SAMD4B: variants seen among roughly 807,000 people sequenced by gnomAD.
SAMD4B encodes the protein sterile alpha motif domain containing 4B.
Under a neutral mutation model 74.5 loss-of-function variants are expected in SAMD4B, and 5 were observed. The observed-to-expected ratio is 0.07, with a 90% CI of 0.04 to 0.14. The LOEUF is 0.14. Ranked by LOEUF, SAMD4B falls within the 10% of genes least tolerant of loss-of-function variation. The pLI is 1.00. For synonymous variants in SAMD4B, 373 were observed against 374.9 expected, an observed-to-expected ratio of 1.00 and a Z score of 0.06; for missense variants, 608 against 921.8, an observed-to-expected ratio of 0.66 and a Z score of 4.41.
downstream of SAMD4B, chr19:39,386,631 C>T (rs563268143): frequency 1.2e-6 from 2 of 1,603,568 alleles, no homozygotes; most frequent in South Asian, 1.1e-5. This position sits in a 1 kb window ranked among gnomAD's most constrained non-coding sequence, Gnocchi z 6.1. Context: ...TTTTTGTCCC[C>T]CTCCTCACCT....
At position 39,383,492 on chromosome 19, in the gene SAMD4B, AC is replaced by A. The variant is rs767656666; in HGVS notation, c.2057-5del. Reference sequence around the variant, plus strand: ...ATCTTCCTCCCTTCCTCCCTTTCTTACCACAGATGGGACAGACAAAACCTCC... The same window carrying A: ...ATCTTCCTCCCTTCCTCCCTTTCTTACACAGATGGGACAGACAAAACCTCC... On this transcript the variant is annotated splice_region_variant and splice_polypyrimidine_tract_variant and intron_variant, in intron 13 of 13. Transcript: ENST00000610417. The surrounding 1 kb of genome is among the most constrained non-coding windows in gnomAD (Gnocchi z 4.1). The A allele has an allele frequency of 1.9e-5, 30 of 1,613,504 alleles. No homozygotes were observed. In the East Asian group the frequency reaches 2.7e-4, roughly 14 times the overall value.
downstream of SAMD4B, chr19:39,389,099 C>G: frequency 6.2e-7 from 1 of 1,613,910 alleles, no homozygotes; most frequent in Non-Finnish European, 8.5e-7. The surrounding 1 kb of genome is among the most constrained non-coding windows in gnomAD (Gnocchi z 5.3). Flanking sequence ...TTACTGATTT[C>G]TGGGCATCCT....
intron 3 of SAMD4B, among the ~76,000 whole-genome samples, chr19:39,358,951 C>T (rs1433328092): frequency 6.6e-6 from 1 of 152,222 alleles, no homozygotes; most frequent in Non-Finnish European, 1.5e-5. Context: ...GTCACAGAAG[C>T]AGCATGATTG....
intron 1 of SAMD4B, 34 bp from the exon 2 acceptor site, chr19:39,353,971 TC>T (rs1278884378): frequency 1.3e-5 from 2 of 152,308 alleles, no homozygotes; most frequent in African/African-American, 4.8e-5. Flanking sequence ...TATTAATCAT[TC>T]CCCATTAATG....
intron 1 of SAMD4B, among the ~76,000 whole-genome samples, chr19:39,346,325 C>A (rs1029566732): frequency 1.3e-5 from 2 of 152,166 alleles, no homozygotes; most frequent in Non-Finnish European, 2.9e-5. Flanking sequence ...ATGGTGCCCC[C>A]AGGCAGAGGA....
chr19:39,378,674 G>A lies in SAMD4B; in HGVS notation c.1530+85G>A, dbSNP rs757311832. ...CTGTAGTCCCAGCACTTCGGCCACCGAGGCGGGCGGATCATGAGGTCAGGA... is the reference window on the plus strand; with the variant it reads ...CTGTAGTCCCAGCACTTCGGCCACCAAGGCGGGCGGATCATGAGGTCAGGA... On this transcript the variant is annotated intron_variant, in intron 9 of 13. Transcript: ENST00000610417. The surrounding 1 kb of genome is among the most constrained non-coding windows in gnomAD (Gnocchi z 4.4). 1.3e-5 allele frequency: 14 copies of A among 1,100,594 alleles called. No individual in the cohort carries two copies. Among genetic ancestry groups the A allele is most frequent in the Non-Finnish European group, 1.8e-5 (13 of 732,720 alleles). The allele number at this position is 1,100,594 out of a possible 1,614,324, so 68.2% of individuals were successfully genotyped here.
At chr19:39,342,826 G>C (rs970886391) in intron 1 of SAMD4B, among the ~76,000 whole-genome samples, 15 of 151,530 alleles carry the variant, frequency 9.9e-5, no homozygotes, top group Middle Eastern at 3.2e-3. Flanking sequence ...CATGCCCTCG[G>C]GATTGCCGAG....
At chr19:39,362,571 T>G (rs2076718506) in intron 3 of SAMD4B, among the ~76,000 whole-genome samples, 1 of 152,142 alleles carries the variant, frequency 6.6e-6, no homozygotes, top group African/African-American at 2.4e-5. Context: ...GGTTACCCCT[T>G]GTTGTAATCC....
intron 9 of SAMD4B, among the ~76,000 whole-genome samples, chr19:39,379,364 C>G (rs1196377865): frequency 1.3e-5 from 2 of 152,176 alleles, no homozygotes; most frequent in Non-Finnish European, 2.9e-5. Flanking sequence ...GCTGTCAGTT[C>G]AAACATTTAT....
At chr19:39,361,013 G>C (rs1374731635) in intron 3 of SAMD4B, among the ~76,000 whole-genome samples, 1 of 152,038 alleles carries the variant, frequency 6.6e-6, no homozygotes, top group African/African-American at 2.4e-5. Context: ...AACACCTCTT[G>C]TGACCTGGGT....
rs2077204410 is a variant in SAMD4B, at chr19:39,370,202, T to C, written c.667+77T>C. The stretch of plus-strand genomic sequence containing the variant: ...CTAGGCTCAGTGAGAGCTCTCTCGC[T>C]CTGTGGCATTAGACAAGTCACATAA... On this transcript the variant is annotated intron_variant, in intron 4 of 13. Transcript: ENST00000610417. 22 of 1,365,922 alleles carry C rather than the reference T, an allele frequency of 1.6e-5. No individual in the cohort carries two copies. In the South Asian group the frequency reaches 2.7e-4, roughly 16 times the overall value. 84.6% of individuals were successfully genotyped at this position (1,365,922 alleles called of 1,614,324 possible).
intron 3 of SAMD4B, among the ~76,000 whole-genome samples, chr19:39,365,727 A>G (rs1199073974): frequency 2.0e-5 from 3 of 152,252 alleles, no homozygotes; most frequent in Non-Finnish European, 4.4e-5. Flanking sequence ...CATTTTTAGC[A>G]TAGTGTCTGG....
At chr19:39,353,776 A>G (rs911124958) in intron 1 of SAMD4B, among the ~76,000 whole-genome samples, 3 of 151,912 alleles carry the variant, frequency 2.0e-5, no homozygotes, top group Admixed American at 1.3e-4. Flanking sequence ...TAATTTTTAT[A>G]TTTTTAGTAG....
Position 39,384,591 on chromosome 19 carries a change from CAT to C in SAMD4B, c.*1066_*1067del, listed in dbSNP as rs2078187695. 6.6e-6 allele frequency: 1 copy of C among 152,588 alleles called. No homozygotes were observed. Among genetic ancestry groups the C allele is most frequent in the Non-Finnish European group, 1.5e-5 (1 of 68,028 alleles). The allele number at this position is 152,588 out of a possible 1,614,324, so 9.5% of individuals were successfully genotyped here. ...ACCTCACTTAAGTGGAACACTATATCATAACCCAGAGATTCGTCCCAGCCCCA... is the reference window on the plus strand; with the variant it reads ...ACCTCACTTAAGTGGAACACTATATCAACCCAGAGATTCGTCCCAGCCCCA... On this transcript the variant is annotated 3_prime_UTR_variant, in exon 14 of 14. Transcript: ENST00000610417.
intron 3 of SAMD4B, among the ~76,000 whole-genome samples, chr19:39,359,724 A>G (rs1026534398): frequency 1.3e-5 from 2 of 152,172 alleles, no homozygotes; most frequent in Non-Finnish European, 2.9e-5. Context: ...GTAGAGTTCA[A>G]ATTTGACTTC....
At chr19:39,372,216 C>T (rs1004087163) in intron 4 of SAMD4B, among the ~76,000 whole-genome samples, 3 of 152,174 alleles carry the variant, frequency 2.0e-5, no homozygotes, top group African/African-American at 7.2e-5. Context: ...GGACAGTATA[C>T]AGACAGATCT....
At chr19:39,357,441 A>G (rs2076398316) in intron 3 of SAMD4B, among the ~76,000 whole-genome samples, 1 of 152,186 alleles carries the variant, frequency 6.6e-6, no homozygotes, top group Non-Finnish European at 1.5e-5. Context: ...AAGCTTCAGG[A>G]TATCAGGGCT....
chr19:39,389,192 C>T, downstream of SAMD4B: 2 of 1,613,914 alleles, frequency 1.2e-6, no homozygotes, highest in African/African-American at 2.7e-5. The surrounding 1 kb of genome is among the most constrained non-coding windows in gnomAD (Gnocchi z 5.3). Flanking sequence ...TCACAGAAAC[C>T]CCAATCCTAG....
downstream of SAMD4B, chr19:39,386,111 C>T: frequency 1.2e-6 from 2 of 1,614,102 alleles, no homozygotes; most frequent in Non-Finnish European, 1.7e-6. This position sits in a 1 kb window ranked among gnomAD's most constrained non-coding sequence, Gnocchi z 6.1. Flanking sequence ...GGCTCCGGCT[C>T]CGCTGGCCAC....
Sources: allele counts gnomAD v4.1 joint callset (sites outside exome capture counted in the v4.1 genomes callset), GRCh38; gene constraint gnomAD v4.1.1; non-coding constraint Gnocchi (gnomAD v3.1); transcripts MANE v1.5; gene names NCBI Gene and HGNC (gene_info 2026-07-23, HGNC 2026-07-21).